The following SMARCC1 variants were observed in gnomAD, a reference collection of about 807,000 sequenced individuals.
SMARCC1 encodes SWI/SNF related BAF chromatin remodeling complex subunit C1.
In SMARCC1, 43 loss-of-function variants were observed where a neutral mutation model predicts 147.4. The ratio of observed to expected loss-of-function variants is 0.29; its 90% CI spans 0.23 to 0.38. The LOEUF (loss-of-function observed/expected upper bound fraction) is 0.38, where lower values mean the gene tolerates loss of function less well. SMARCC1 is among the 10% of genes least tolerant of loss of function. SMARCC1 has a pLI of 1.00. For missense variants in SMARCC1, 1,119 were observed against 1,381.1 expected (o/e 0.81, Z 3.01); for synonymous variants, 495 against 484.4 (o/e 1.02, Z -0.29).
At chr3:47,626,894 G>A (rs1042099900) in intron 24 of SMARCC1, among the ~76,000 whole-genome samples, 5 of 152,014 alleles carry the variant, frequency 3.3e-5, no homozygotes, top group Non-Finnish European at 7.4e-5. Context: ...TACATGGAGT[G>A]GAAAAAAACC....
rs116633016 is a variant in SMARCC1 at position 47,629,199 on chromosome 3, C to T, written c.2646+5991G>A. 1.9e-3 allele frequency among the ~76,000 whole-genome samples: 286 copies of T among 152,236 alleles called. 1 individual carries two copies. Among genetic ancestry groups the T allele is most frequent in the African/African-American group, 6.5e-3 (270 of 41,530 alleles). On this transcript the variant is annotated intron_variant, in intron 24 of 27. Transcript: ENST00000254480. ...GCAGTTAACCTTGATGTGTCTCACC[C>T]CTACTATACTAGTCCAGAAAATCTT...
intron 6 of SMARCC1, among the ~76,000 whole-genome samples, chr3:47,721,855 T>C (rs968527388): frequency 3.9e-5 from 6 of 151,944 alleles, no homozygotes; most frequent in African/African-American, 1.5e-4. Flanking sequence ...TTAAAAAATT[T>C]TAAAAATAAA....
At chr3:47,672,356 C>T (rs1233094985) in intron 18 of SMARCC1, among the ~76,000 whole-genome samples, 3 of 152,106 alleles carry the variant, frequency 2.0e-5, no homozygotes, top group Non-Finnish European at 2.9e-5. Flanking sequence ...CAGGCGCCCG[C>T]CAACACGCCC....
intron 21 of SMARCC1, among the ~76,000 whole-genome samples, chr3:47,656,741 C>A (rs980730741): frequency 5.9e-5 from 9 of 152,174 alleles, no homozygotes; most frequent in East Asian, 1.9e-4. Context: ...TGGTGAAACC[C>A]CGTCTCTACT....
At chr3:47,638,195 C>A (rs1211918125) in intron 22 of SMARCC1, among the ~76,000 whole-genome samples, 1 of 152,138 alleles carries the variant, frequency 6.6e-6, no homozygotes, top group Non-Finnish European at 1.5e-5. Context: ...CGGGTTCACG[C>A]CATTCTCCTG....
chr3:47,632,821 G>A (rs780731051), intron 24 of SMARCC1, among the ~76,000 whole-genome samples: 3 of 152,172 alleles, frequency 2.0e-5, no homozygotes, highest in Non-Finnish European at 4.4e-5. Flanking sequence ...GTAGGGTCCT[G>A]ATTATAGAAA....
chr3:47,664,400 C>G (rs1313558340), intron 19 of SMARCC1, among the ~76,000 whole-genome samples: 1 of 152,128 alleles, frequency 6.6e-6, no homozygotes, highest in East Asian at 1.9e-4. Flanking sequence ...AATACAATTC[C>G]AGTCAAACTC....
chr3:47,708,115 T>C (rs932060055), intron 9 of SMARCC1, among the ~76,000 whole-genome samples: 1 of 108,600 alleles, frequency 9.2e-6, no homozygotes, highest in African/African-American at 3.5e-5. Flanking sequence ...TTTTTTTTTT[T>C]TTGAGACAGG....
chr3:47,726,458 C>T (rs1454074135), intron 6 of SMARCC1, among the ~76,000 whole-genome samples: 1 of 152,124 alleles, frequency 6.6e-6, no homozygotes. Context: ...TTCTATTAAT[C>T]AGTGTTTTGC....
intron 9 of SMARCC1, among the ~76,000 whole-genome samples, chr3:47,707,405 C>T (rs534988707): frequency 2.0e-5 from 3 of 151,274 alleles, no homozygotes; most frequent in African/African-American, 4.8e-5. Context: ...AGCTTCCAGA[C>T]CTAATGAACA....
At chr3:47,599,540 C>T (rs187213569) in intron 26 of SMARCC1, among the ~76,000 whole-genome samples, 1 of 152,282 alleles carries the variant, frequency 6.6e-6, no homozygotes, top group Non-Finnish European at 1.5e-5. Context: ...GGGAAGGACA[C>T]AAAGATTAAG....
In SMARCC1 at chr3:47,587,352, G is replaced by A. The variant is rs1011665783; in HGVS notation, c.*857C>T. Reference sequence around the variant, plus strand: ...AGACTCCTAACTTTCCAGGCTAGTTGAGGAAACTAAGGAATGCCTCCCAAT... The same window carrying A: ...AGACTCCTAACTTTCCAGGCTAGTTAAGGAAACTAAGGAATGCCTCCCAAT... On this transcript the variant is annotated 3_prime_UTR_variant, in exon 28 of 28. Coordinates refer to ENST00000254480, the MANE Select transcript of SMARCC1 (RefSeq NM_003074.4). The A allele has an allele frequency of 1.3e-5, 2 of 152,002 alleles. No individual in the cohort carries two copies. The highest frequency in any genetic ancestry group is 4.8e-5 in the African/African-American group (2 of 41,352). The allele number at this position is 152,002 out of a possible 1,614,324, so 9.4% of individuals were successfully genotyped here. A position where few individuals can be genotyped will look rare whatever the true frequency, so the allele number is the denominator to read the frequency against.
intron 26 of SMARCC1, among the ~76,000 whole-genome samples, chr3:47,606,340 T>C (rs1029731528): frequency 2.0e-5 from 3 of 152,220 alleles, no homozygotes; most frequent in Non-Finnish European, 1.5e-5. Flanking sequence ...TGGCCTCACT[T>C]TGGAATCAGA....
intron 1 of SMARCC1, among the ~76,000 whole-genome samples, chr3:47,780,168 GTTTT>G (rs10662354): frequency 3.2e-5 from 2 of 61,896 alleles, no homozygotes; most frequent in East Asian, 5.4e-4. Flanking sequence ...GTTTTTTTTT[GTTTT>G]TTTTTTTTTT....
At chr3:47,700,506 G>A (rs1005179444) in intron 11 of SMARCC1, among the ~76,000 whole-genome samples, 6 of 151,958 alleles carry the variant, frequency 3.9e-5, no homozygotes, top group Non-Finnish European at 7.4e-5. Flanking sequence ...AGAACATTTT[G>A]GGTTGTTTTT....
At position 47,586,702 on chromosome 3, in the gene SMARCC1, C is replaced by T. The variant is rs1183538317; in HGVS notation, c.*1507G>A. 1 of 152,524 alleles carries T rather than the reference C, an allele frequency of 6.6e-6. No homozygotes were observed. Among genetic ancestry groups the T allele is most frequent in the African/African-American group, 2.4e-5 (1 of 41,410 alleles). The allele number at this position is 152,524 out of a possible 1,614,324, so 9.4% of individuals were successfully genotyped here. A position where few individuals can be genotyped will look rare whatever the true frequency, so the allele number is the denominator to read the frequency against. On this transcript the variant is annotated 3_prime_UTR_variant, in exon 28 of 28. Coordinates refer to ENST00000254480, the MANE Select transcript of SMARCC1 (RefSeq NM_003074.4). ...AAAAAGATATCCAAAAGATGTCCAC[C>T]TTGCATTCTAAATAATGAAACTGCC... is the stretch of plus-strand genomic sequence containing the variant.
intron 19 of SMARCC1, among the ~76,000 whole-genome samples, chr3:47,669,758 A>C (rs1021878657): frequency 3.9e-5 from 6 of 152,224 alleles, no homozygotes; most frequent in African/African-American, 1.4e-4. Flanking sequence ...AAATGGAAAT[A>C]GTTTGATGAT....
At chr3:47,741,000 A>G (rs762411686) in intron 3 of SMARCC1, among the ~76,000 whole-genome samples, 41 of 152,304 alleles carry the variant, frequency 2.7e-4, no homozygotes, top group Admixed American at 5.9e-4. Flanking sequence ...GTATACCTCC[A>G]GATAGAAGAA....
chr3:47,613,784 G>A (rs1440146345), intron 25 of SMARCC1, among the ~76,000 whole-genome samples: 3 of 152,222 alleles, frequency 2.0e-5, no homozygotes, highest in East Asian at 1.9e-4. Flanking sequence ...CACATCCTGA[G>A]CCCCCACTTC....
Sources: allele counts gnomAD v4.1 joint callset (sites outside exome capture counted in the v4.1 genomes callset), GRCh38; gene constraint gnomAD v4.1.1; transcripts MANE v1.5; gene names NCBI Gene and HGNC (gene_info 2026-07-23, HGNC 2026-07-21).